The following RRBP1 variants were observed in gnomAD, a reference collection of about 807,000 sequenced individuals.
RRBP1 encodes ribosome binding protein 1.
In RRBP1, 94 loss-of-function variants were observed where a neutral mutation model predicts 165.2. The observed-to-expected ratio is 0.57, with a 90% CI of 0.48 to 0.68. The LOEUF is 0.68. RRBP1 is among the 30% of genes least tolerant of loss of function. RRBP1 has a pLI of 0.00. For missense variants in RRBP1, 1,676 were observed against 1,763.0 expected (o/e 0.95, Z 0.88); for synonymous variants, 680 against 714.5 (o/e 0.95, Z 0.77).
At chr20:17,651,041 G>A (rs1340500241) in intron 3 of RRBP1, among the ~76,000 whole-genome samples, 5 of 152,314 alleles carry the variant, frequency 3.3e-5, no homozygotes, top group East Asian at 3.9e-4. Context: ...GACAGTACCC[G>A]GAACACGGGG....
intron 18 of RRBP1, 56 bp downstream of exon 18, chr20:17,620,243 C>T: frequency 7.5e-7 from 1 of 1,334,392 alleles, no homozygotes; most frequent in South Asian, 1.2e-5. Flanking sequence ...GCATTAACGT[C>T]ACTTTCAAAG....
rs767453221 is a variant in RRBP1 at position 17,615,494 on chromosome 20, C to G, written c.3987G>C (p.Leu1329Phe). ...QTSACRLQEE[L>F]EKLRTAGPLE... Reference sequence around the variant, plus strand: ...GGGGGCCGGCTGTGCGGAGCTTCTCCAATTCTTCTTGTAACCGACATGCCG... The same window carrying G: ...GGGGGCCGGCTGTGCGGAGCTTCTCGAATTCTTCTTGTAACCGACATGCCG... The change falls in exon 23 of 25, where the codon TTG becomes TTC. Residue 1329 changes from leucine (L) to phenylalanine (F), a missense_variant. By Grantham distance (22) the Leu-to-Phe change is conservative. Transcript: ENST00000377813. 3 of 1,607,818 alleles carry G rather than the reference C, an allele frequency of 1.9e-6. No individual in the cohort carries two copies. The highest frequency in any genetic ancestry group is 1.1e-5 in the South Asian group (1 of 89,944).
chr20:17,629,124 G>A (rs2036094069), intron 9 of RRBP1, among the ~76,000 whole-genome samples: 1 of 152,260 alleles, frequency 6.6e-6, no homozygotes, highest in South Asian at 2.1e-4. Flanking sequence ...CACAGTCCCT[G>A]TGTAGAGGGC....
intron 3 of RRBP1, among the ~76,000 whole-genome samples, chr20:17,654,625 G>C (rs942182253): frequency 6.6e-6 from 1 of 152,170 alleles, no homozygotes; most frequent in Non-Finnish European, 1.5e-5. Context: ...TGGAATCAGG[G>C]AGGGTCTCTT....
chr20:17,673,571 G>A (rs1320949065), intron 2 of RRBP1, among the ~76,000 whole-genome samples: 1 of 152,166 alleles, frequency 6.6e-6, no homozygotes, highest in African/African-American at 2.4e-5. Context: ...ACCATGTCCA[G>A]CTAGTTTTTG....
intron 3 of RRBP1, among the ~76,000 whole-genome samples, chr20:17,657,500 G>A (rs915227306): frequency 6.6e-6 from 1 of 151,464 alleles, no homozygotes; most frequent in South Asian, 2.1e-4. Context: ...GATACCCTTC[G>A]TCAACACAAA....
At chr20:17,625,717 G>A in intron 11 of RRBP1, 115 bp from the exon 12 acceptor site, 1 of 874,700 alleles carries the variant, frequency 1.1e-6, no homozygotes, top group Non-Finnish European at 1.8e-6. Context: ...ATCTGGCCAG[G>A]GACGGTCCCT....
rs1242631269 is a variant in RRBP1 at position 17,625,541 on chromosome 20, C to T, written c.3025G>A (p.Ala1009Thr). 2 of 1,613,884 alleles carry T rather than the reference C, an allele frequency of 1.2e-6. No individual in the cohort carries two copies. The highest frequency in any genetic ancestry group is 2.2e-5 in the South Asian group (2 of 91,080). ...TTCTTCACTTTCTGCTGCTCGACGG[C>T]CTCCCTGAGCTCGATGGCCTCCTTC... ...LEKEAIELRE[A>T]VEQQKVKNND... The change falls in exon 12 of 25, where the codon GCC (alanine) becomes ACC (threonine). Residue 1009 changes from alanine (A) to threonine (T), a missense_variant. This residue lies in a region of RRBP1 where 1,184 missense variants were observed against 1,167.1 expected (regional missense o/e 1.01). Coordinates refer to ENST00000377813, the MANE Select transcript of RRBP1 (RefSeq NM_001365613.2).
At position 17,663,135 on chromosome 20, in the gene RRBP1, C is replaced by T. The variant is rs929623743; in HGVS notation, c.-21-2607G>A. Among the ~76,000 whole-genome samples, 11 of 152,154 alleles carry T rather than the reference C, an allele frequency of 7.2e-5. No individual in the cohort carries two copies. The South Asian group carries it at 2.1e-3, about 29-fold the overall frequency. On this transcript the variant is annotated intron_variant, in intron 2 of 24. Coordinates refer to ENST00000377813, the MANE Select transcript of RRBP1 (RefSeq NM_001365613.2). ...AATCGTTTCCCAACAACCATGTGCT[C>T]GAGGGGTGGTCTTTACCGAGTCGCG...
rs978950963 is a variant in RRBP1, at chr20:17,621,556, G to C, written c.3325-9C>G. 1 of 1,609,722 alleles carries C rather than the reference G, an allele frequency of 6.2e-7. No individual in the cohort carries two copies. Among genetic ancestry groups the C allele is most frequent in the African/African-American group, 1.3e-5 (1 of 74,966 alleles). ...AACTTGGAGGCCAGGTCCTGAGAGAGGGAAGAACAGGTGTTTAGTTAGCCA... is the reference window on the plus strand; with the variant it reads ...AACTTGGAGGCCAGGTCCTGAGAGACGGAAGAACAGGTGTTTAGTTAGCCA... On this transcript the variant is annotated splice_polypyrimidine_tract_variant and intron_variant, in intron 15 of 24. Coordinates refer to ENST00000377813, the MANE Select transcript of RRBP1 (RefSeq NM_001365613.2).
chr20:17,645,823 TCA>T (rs1387401329), intron 3 of RRBP1, among the ~76,000 whole-genome samples: 1 of 152,212 alleles, frequency 6.6e-6, no homozygotes, highest in East Asian at 1.9e-4. Flanking sequence ...GTCTGTGAAA[TCA>T]CAGACTTCAA....
rs971117698 is a variant in RRBP1 at position 17,658,790 on chromosome 20, G to T, written c.1718C>A (p.Ser573Tyr). 3.1e-6 allele frequency: 5 copies of T among 1,613,938 alleles called. No individual in the cohort carries two copies. In the Admixed American group the frequency reaches 5.0e-5, roughly 16 times the overall value. The change falls in exon 3 of 25, where the codon TCC (serine) becomes TAC (tyrosine). Residue 573 changes from serine (S) to tyrosine (Y), a missense_variant. Physicochemically the swap from Ser to Tyr is moderately radical, Grantham distance 144 (BLOSUM62 -2). Coordinates refer to ENST00000377813, the MANE Select transcript of RRBP1 (RefSeq NM_001365613.2). The stretch of plus-strand genomic sequence containing the variant: ...TTCTGCCTTTTTGCCTTCACTGGGG[G>T]ACCCTTCTGCTTTTTTCCCCTGGTT... ...ITNQGKKAEG[S>Y]PSEGKKAEGS...
chr20:17,668,396 G>A (rs1433221077), intron 2 of RRBP1, among the ~76,000 whole-genome samples: 1 of 152,146 alleles, frequency 6.6e-6, no homozygotes, highest in East Asian at 1.9e-4. Context: ...CTCTAACAGT[G>A]ATTTGATATT....
At chr20:17,653,416 C>A (rs1033483126) in intron 3 of RRBP1, among the ~76,000 whole-genome samples, 1 of 152,220 alleles carries the variant, frequency 6.6e-6, no homozygotes, top group Non-Finnish European at 1.5e-5. Flanking sequence ...ATGGTAGCCA[C>A]AAATGAATCA....
chr20:17,645,254 T>C (rs1015646371), intron 3 of RRBP1, among the ~76,000 whole-genome samples: 3 of 152,244 alleles, frequency 2.0e-5, no homozygotes, highest in Admixed American at 2.0e-4. Context: ...GGCCACATGC[T>C]CACCCGCCGC....
chr20:17,641,612 G>A, intron 5 of RRBP1, 185 bp downstream of exon 5: 1 of 697,818 alleles, frequency 1.4e-6, no homozygotes, highest in Middle Eastern at 4.1e-4. Context: ...CACTGCCAAG[G>A]GTGAGCTGCC....
chr20:17,641,229 G>T (rs1447562164), intron 5 of RRBP1, among the ~76,000 whole-genome samples: 1 of 152,214 alleles, frequency 6.6e-6, no homozygotes, highest in Non-Finnish European at 1.5e-5. Context: ...TCCTATGGCA[G>T]CACCAACCCA....
Position 17,639,897 on chromosome 20 carries a change from A to G in RRBP1, c.2184+1900T>C, listed in dbSNP as rs1175076500. Reference sequence around the variant, plus strand: ...AATAACAGTGAAACTCCAGTCTCAAAAAAAAAAAAAAAAAAAAGAATAAGG... The same window carrying G: ...AATAACAGTGAAACTCCAGTCTCAAGAAAAAAAAAAAAAAAAAGAATAAGG... On this transcript the variant is annotated intron_variant, in intron 5 of 24. Coordinates refer to ENST00000377813, the MANE Select transcript of RRBP1 (RefSeq NM_001365613.2). 5.6e-5 allele frequency among the ~76,000 whole-genome samples: 7 copies of G among 125,652 alleles called. No homozygotes were observed. The East Asian group carries it at 1.3e-3, about 24-fold the overall frequency. 82.4% of individuals were successfully genotyped at this position (125,652 alleles called of 152,430 possible). A position where few individuals can be genotyped will look rare whatever the true frequency, so the allele number is the denominator to read the frequency against.
chr20:17,679,716 A>T (rs2037144204), intron 2 of RRBP1, among the ~76,000 whole-genome samples: 1 of 152,226 alleles, frequency 6.6e-6, no homozygotes, highest in Non-Finnish European at 1.5e-5. Flanking sequence ...CTCAAATGTG[A>T]CTTGATTTAA....
Sources: allele counts gnomAD v4.1 joint callset (sites outside exome capture counted in the v4.1 genomes callset), GRCh38; gene constraint gnomAD v4.1.1; regional missense constraint gnomAD v4.1.1; transcripts MANE v1.5; gene names NCBI Gene and HGNC (gene_info 2026-07-23, HGNC 2026-07-21).